The following ATP7B variants were observed in gnomAD, a reference collection of about 807,000 sequenced individuals.
The protein encoded by ATP7B is copper-transporting ATPase 2.
In ATP7B, 113 loss-of-function variants were observed where a neutral mutation model predicts 118.9. That is an observed-to-expected ratio of 0.95 (90% confidence interval 0.82 to 1.11). ATP7B has a LOEUF of 1.11. Among genes scored for constraint, ATP7B ranks in the 50% most tolerant of loss-of-function variants. The pLI is 0.00. For synonymous variants in ATP7B, 777 were observed against 727.4 expected (o/e 1.07, Z -1.10); for missense variants, 1,867 against 1,871.4 (o/e 1.00, Z 0.04).
In ATP7B at chr13:51,990,477, G is replaced by C. The variant is rs74914482; in HGVS notation, c.52-15309C>G. On this transcript the variant is annotated intron_variant, in intron 1 of 20. Transcript: ENST00000242839. ...ATTGACGTGGAAAGACTTCCATGAT[G>C]TTAAAAAGAAAAAAAAGTTGCAGAA... Among the ~76,000 whole-genome samples, 871 of 152,164 alleles carry C rather than the reference G, an allele frequency of 5.7e-3. 10 individuals are homozygous for C. Among genetic ancestry groups the C allele is most frequent in the African/African-American group, 0.02 (826 of 41,514 alleles).
chr13:52,011,254 CACGCTGCGCGG>C (rs756234612), intron 1 of ATP7B, 22 bp downstream of exon 1: 1 of 1,614,164 alleles, frequency 6.2e-7, no homozygotes, highest in Non-Finnish European at 8.5e-7. Flanking sequence ...TGGGAGTGAG[CACGCTGCGCGG>C]ACGCGGGGGA....
Position 51,976,687 on chromosome 13 carries a change from T to C in ATP7B, c.52-1519A>G, listed in dbSNP as rs116951788. Among the ~76,000 whole-genome samples the C allele has an allele frequency of 1.3e-3, 204 of 152,350 alleles. 1 individual carries two copies. The East Asian group carries it at 0.032, about 24-fold the overall frequency. On this transcript the variant is annotated intron_variant, in intron 1 of 20. Transcript: ENST00000242839. ...GCTGTATGGTGTAGCCTGTTGCTCC[T>C]AGGCCACACACCTGTACAGCATGTT...
chr13:51,955,512 G>A (rs1482959994), intron 9 of ATP7B, among the ~76,000 whole-genome samples: 2 of 152,158 alleles, frequency 1.3e-5, no homozygotes, highest in African/African-American at 4.8e-5. Context: ...AAAATGAATC[G>A]GCATTCTTGG....
chr13:51,955,570 C>T (rs556890873), intron 9 of ATP7B, among the ~76,000 whole-genome samples: 8 of 152,312 alleles, frequency 5.3e-5, no homozygotes, highest in East Asian at 3.9e-4. Flanking sequence ...GTGGGCACTT[C>T]GGCCGGCAGA....
intron 5 of ATP7B, among the ~76,000 whole-genome samples, chr13:51,964,122 C>A (rs1332421967): frequency 6.6e-6 from 1 of 151,974 alleles, no homozygotes; most frequent in Non-Finnish European, 1.5e-5. Context: ...CACACACACA[C>A]ACACACACAC....
Position 51,974,356 on chromosome 13 carries a change from A to G in ATP7B, c.864T>C (p.Ile288=). ...NIGQLLGVQS[I]QVSLENKTAQ... is the part of the protein sequence containing the mutation. The stretch of plus-strand genomic sequence containing the variant: ...CAGTTTTGTTCTCCAAGGACACTTG[A>G]ATACTTTGAACCCCTAGGAGCTGGC... Residue 288 remains isoleucine, a synonymous_variant, in exon 2 of 21, where the codon ATT becomes ATC. Transcript: ENST00000242839. The G allele has an allele frequency of 6.2e-7, 1 of 1,614,038 alleles. No homozygotes were observed. Among genetic ancestry groups the G allele is most frequent in the Non-Finnish European group, 8.5e-7 (1 of 1,180,024 alleles).
At chr13:52,006,220 G>A (rs991205859) in intron 1 of ATP7B, among the ~76,000 whole-genome samples, 1 of 152,178 alleles carries the variant, frequency 6.6e-6, no homozygotes, top group Non-Finnish European at 1.5e-5. Flanking sequence ...CACTGAACAC[G>A]GATACTTCCT....
chr13:51,974,150 G>C lies in ATP7B; in HGVS notation c.1070C>G (p.Thr357Arg). The C allele has an allele frequency of 6.2e-7, 1 of 1,614,046 alleles. No individual in the cohort carries two copies. The highest frequency in any genetic ancestry group is 1.1e-5 in the South Asian group (1 of 91,078). The change falls in exon 2 of 21, where the codon ACA becomes AGA. Residue 357 changes from threonine to arginine, a missense_variant. Physicochemically the swap from Thr to Arg is moderately conservative, Grantham distance 71 (BLOSUM62 -1). Transcript: ENST00000242839. ...GSPPRNQVQG[T>R]CSTTLIAIAG... ...AATGGCAATCAGAGTGGTACTGCAT[G>C]TGCCCTGGACCTGGTTTCTCGGTGG...
rs761169879 is a variant in ATP7B at position 51,949,692 on chromosome 13, G to A, written c.2835C>T (p.Ile945=). 1.8e-5 allele frequency: 29 copies of A among 1,613,852 alleles called. No homozygotes were observed. The highest frequency in any genetic ancestry group is 8.8e-5 in the South Asian group (8 of 91,070). ...TLVVWIVIGF[I]DFGVVQRYFP... The stretch of plus-strand genomic sequence containing the variant: ...AGTATCTCTGAACAACACCAAAATC[G>A]ATAAAACCGATTACAATCCATACCA... Residue 945 remains isoleucine, a synonymous_variant, in exon 12 of 21, where the codon ATC becomes ATT. Coordinates refer to ENST00000242839, the MANE Select transcript of ATP7B (RefSeq NM_000053.4).
chr13:52,001,581 G>T (rs1015624126), intron 1 of ATP7B, among the ~76,000 whole-genome samples: 6 of 152,006 alleles, frequency 3.9e-5, no homozygotes, highest in African/African-American at 1.5e-4. Flanking sequence ...TCACCTCCAT[G>T]AAATCTTTGC....
chr13:51,998,869 C>T (rs2040487321), intron 1 of ATP7B, among the ~76,000 whole-genome samples: 1 of 152,192 alleles, frequency 6.6e-6, no homozygotes, highest in South Asian at 2.1e-4. Flanking sequence ...ACAAACATTA[C>T]CTGCTCAGTC....
intron 14 of ATP7B, 143 bp from the exon 15 acceptor site, chr13:51,942,697 G>T: frequency 1.0e-6 from 1 of 960,190 alleles, no homozygotes; most frequent in Non-Finnish European, 1.6e-6. Flanking sequence ...AGGGGAGGGA[G>T]GTGGAACAGA....
chr13:51,963,257 G>C (rs1011254503), intron 5 of ATP7B, among the ~76,000 whole-genome samples: 11 of 152,152 alleles, frequency 7.2e-5, no homozygotes, highest in African/African-American at 2.7e-4. Flanking sequence ...ACTCACAAAG[G>C]CCACTGAGCT....
intron 19 of ATP7B, among the ~76,000 whole-genome samples, chr13:51,935,928 T>A (rs1035808641): frequency 3.9e-4 from 59 of 152,188 alleles, no homozygotes; most frequent in Admixed American, 2.0e-4. Context: ...CTCGCCCTGA[T>A]GTTCCCAGAA....
At chr13:51,948,432 T>A (rs1957798074) in intron 12 of ATP7B, among the ~76,000 whole-genome samples, 1 of 152,098 alleles carries the variant, frequency 6.6e-6, no homozygotes, top group Middle Eastern at 3.2e-3. Context: ...ATTCTATGGC[T>A]CTATGGTATA....
At position 51,958,546 on chromosome 13, in the gene ATP7B, T is replaced by C. The variant is rs1227913841; in HGVS notation, c.2122-2A>G. 1 of 1,613,444 alleles carries C rather than the reference T, an allele frequency of 6.2e-7. No individual in the cohort carries two copies. The highest frequency in any genetic ancestry group is 1.7e-5 in the Admixed American group (1 of 59,994). On this transcript the variant is annotated splice_acceptor_variant, in intron 7 of 20. Transcript: ENST00000242839. LOFTEE classifies it high-confidence loss of function. ...GTAGAAGTACCACCCACCGAGGAGCTGAAAGACAAGGACAGTGAAGGCTGC... is the reference window on the plus strand; with the variant it reads ...GTAGAAGTACCACCCACCGAGGAGCCGAAAGACAAGGACAGTGAAGGCTGC...
At position 51,960,266 on chromosome 13, in the gene ATP7B, AT is replaced by A; in HGVS notation, c.2002del (p.Met668Ter). ...LVFGIPVMAL[M>X]IYMLIPSNEP... is the part of the protein sequence containing the mutation. ...GTTGCTGGGTATCAGCATATAGATCATTAAGGCCATGACAGGGATGCCAAAC... is the reference window on the plus strand; with the variant it reads ...GTTGCTGGGTATCAGCATATAGATCATAAGGCCATGACAGGGATGCCAAAC... On this transcript the variant is annotated frameshift_variant, in exon 7 of 21. Coordinates refer to ENST00000242839, the MANE Select transcript of ATP7B (RefSeq NM_000053.4). LOFTEE classifies it high-confidence loss of function. 1.2e-6 allele frequency: 2 copies of A among 1,613,964 alleles called. No individual in the cohort carries two copies. Among genetic ancestry groups the A allele is most frequent in the Non-Finnish European group, 1.7e-6 (2 of 1,179,862 alleles).
At chr13:51,940,239 C>A (rs201880981) in intron 16 of ATP7B, among the ~76,000 whole-genome samples, 2 of 149,066 alleles carry the variant, frequency 1.3e-5, no homozygotes, top group Non-Finnish European at 3.0e-5. Flanking sequence ...TCTCGAACTC[C>A]CGACCTCAGG....
intron 8 of ATP7B, 156 bp downstream of exon 8, chr13:51,958,155 T>A: frequency 1.2e-6 from 1 of 815,056 alleles, no homozygotes; most frequent in South Asian, 1.7e-5. Context: ...ATTTGGAGAT[T>A]AGTGACTAGA....
Sources: allele counts gnomAD v4.1 joint callset (sites outside exome capture counted in the v4.1 genomes callset), GRCh38; gene constraint gnomAD v4.1.1; transcripts MANE v1.5; gene names NCBI Gene and HGNC (gene_info 2026-07-23, HGNC 2026-07-21).